CNTN3: variants seen among roughly 807,000 people sequenced by gnomAD.
CNTN3 encodes the protein contactin-3.
CNTN3 carries 60 observed loss-of-function variants against 119.1 expected under a neutral mutation model. The observed-to-expected ratio is 0.50, with a 90% CI of 0.41 to 0.62. The LOEUF (loss-of-function observed/expected upper bound fraction) is 0.62. Ranked by LOEUF, CNTN3 falls within the 20% of genes least tolerant of loss-of-function variation. CNTN3 has a pLI of 0.00. For synonymous variants in CNTN3, 450 were observed against 438.7 expected, an observed-to-expected ratio of 1.03 and a Z score of -0.32; for missense variants, 1,101 against 1,242.4, an observed-to-expected ratio of 0.89 and a Z score of 1.71.
chr3:74,437,087 A>T (rs1318294236), intron 4 of CNTN3, among the ~76,000 whole-genome samples: 1 of 152,230 alleles, frequency 6.6e-6, no homozygotes, highest in Non-Finnish European at 1.5e-5. Flanking sequence ...ACTATATCAA[A>T]TAAGAAAACC....
chr3:74,538,685 T>C (rs1413728931), intron 1 of CNTN3, among the ~76,000 whole-genome samples: 1 of 152,194 alleles, frequency 6.6e-6, no homozygotes, highest in Non-Finnish European at 1.5e-5. Context: ...ATATAAAGGA[T>C]GTATGGACAT....
intron 1 of CNTN3, among the ~76,000 whole-genome samples, chr3:74,555,885 G>A (rs1249151246): frequency 6.6e-6 from 1 of 151,956 alleles, no homozygotes; most frequent in Non-Finnish European, 1.5e-5. Context: ...ATTTTTTGAA[G>A]GTCAACCTCT....
intron 1 of CNTN3, among the ~76,000 whole-genome samples, chr3:74,607,640 T>C (rs1456856222): frequency 1.3e-5 from 2 of 152,194 alleles, no homozygotes; most frequent in African/African-American, 4.8e-5. Context: ...ATATCCTGGC[T>C]TATAAAATCC....
At chr3:74,365,778 C>T in intron 8 of CNTN3, 76 bp from the exon 9 acceptor site, 1 of 1,486,986 alleles carries the variant, frequency 6.7e-7, no homozygotes, top group Non-Finnish European at 9.1e-7. Flanking sequence ...ATTTTATTAT[C>T]TTACCTGGAT....
chr3:74,563,491 G>A (rs1177392456), intron 1 of CNTN3, among the ~76,000 whole-genome samples: 1 of 151,996 alleles, frequency 6.6e-6, no homozygotes, highest in Non-Finnish European at 1.5e-5. Context: ...TTTACTGGTC[G>A]AGTGGGCTTT....
At chr3:74,273,887 C>T (rs1273468393) in intron 20 of CNTN3, among the ~76,000 whole-genome samples, 8 of 152,102 alleles carry the variant, frequency 5.3e-5, no homozygotes, top group African/African-American at 1.7e-4. Flanking sequence ...TTTTCTTTCC[C>T]AGCTGGGAGG....
chr3:74,456,798 C>T, intron 4 of CNTN3, among the ~76,000 whole-genome samples: 1 of 152,004 alleles, frequency 6.6e-6, no homozygotes, highest in East Asian at 1.9e-4. Context: ...TTTTTTGGCA[C>T]ATGAAAATGT....
At chr3:74,580,289 C>T (rs1386671009) in intron 1 of CNTN3, among the ~76,000 whole-genome samples, 2 of 152,124 alleles carry the variant, frequency 1.3e-5, no homozygotes, top group Non-Finnish European at 2.9e-5. Flanking sequence ...GGCCAGAGAC[C>T]TTAGTCGTGA....
chr3:74,521,412 G>A (rs1165482449), intron 1 of CNTN3, among the ~76,000 whole-genome samples: 1 of 150,942 alleles, frequency 6.6e-6, no homozygotes, highest in Non-Finnish European at 1.5e-5. Context: ...TATAGAATTT[G>A]AAATGTTTAC....
chr3:74,487,239 T>A (rs1575773898), intron 3 of CNTN3, among the ~76,000 whole-genome samples: 2 of 152,186 alleles, frequency 1.3e-5, no homozygotes, highest in East Asian at 3.9e-4. Flanking sequence ...GCCATATTTA[T>A]CAACGAGAAG....
chr3:74,552,947 T>C (rs1704013640), intron 1 of CNTN3, among the ~76,000 whole-genome samples: 1 of 152,188 alleles, frequency 6.6e-6, no homozygotes, highest in South Asian at 2.1e-4. Context: ...CTTTCTTTTT[T>C]TAATTGTACT....
intron 1 of CNTN3, among the ~76,000 whole-genome samples, chr3:74,589,855 G>A (rs1704668516): frequency 6.7e-6 from 1 of 148,342 alleles, no homozygotes; most frequent in Admixed American, 6.9e-5. Flanking sequence ...ACTATCACAA[G>A]GACAAAAAAC....
intron 5 of CNTN3, among the ~76,000 whole-genome samples, chr3:74,409,065 C>A (rs1258474522): frequency 6.6e-6 from 1 of 152,138 alleles, no homozygotes; most frequent in African/African-American, 2.4e-5. Context: ...ATATGTTATG[C>A]CCTTTATCAG....
intron 13 of CNTN3, among the ~76,000 whole-genome samples, chr3:74,320,194 T>C (rs1702951850): frequency 6.6e-6 from 1 of 152,190 alleles, no homozygotes; most frequent in Non-Finnish European, 1.5e-5. Flanking sequence ...GTATAAATCA[T>C]GCTGCTATAA....
At chr3:74,611,096 A>AAG (rs1705071935) in intron 1 of CNTN3, among the ~76,000 whole-genome samples, 8 of 152,232 alleles carry the variant, frequency 5.3e-5, no homozygotes, top group Admixed American at 4.6e-4. Flanking sequence ...AAAGGCACCT[A>AAG]AGAGAATGCT....
At chr3:74,270,560 A>G (rs1701753337) in intron 20 of CNTN3, among the ~76,000 whole-genome samples, 1 of 152,220 alleles carries the variant, frequency 6.6e-6, no homozygotes, top group Non-Finnish European at 1.5e-5. Context: ...CTAATCTGAC[A>G]TAGCTATTAA....
At chr3:74,351,798 AC>A (rs1703823072) in intron 11 of CNTN3, among the ~76,000 whole-genome samples, 1 of 152,042 alleles carries the variant, frequency 6.6e-6, no homozygotes, top group Admixed American at 6.6e-5. Context: ...CCCATCCCAA[AC>A]CCAAACTCTG....
chr3:74,477,706 A>G (rs1702684741), intron 4 of CNTN3, among the ~76,000 whole-genome samples: 1 of 152,178 alleles, frequency 6.6e-6, no homozygotes, highest in Non-Finnish European at 1.5e-5. Context: ...TGGATGGTTT[A>G]TAACACGAAG....
At chr3:74,577,952 A>G (rs2106662484) in intron 1 of CNTN3, among the ~76,000 whole-genome samples, 1 of 152,232 alleles carries the variant, frequency 6.6e-6, no homozygotes, top group South Asian at 2.1e-4. Context: ...GTTGCATTTT[A>G]AATGTAAAAA....
Sources: allele counts gnomAD v4.1 joint callset (sites outside exome capture counted in the v4.1 genomes callset), GRCh38; gene constraint gnomAD v4.1.1; transcripts MANE v1.5; gene names NCBI Gene and HGNC (gene_info 2026-07-23, HGNC 2026-07-21).